The following ZFYVE9 variants were observed in gnomAD, a reference collection of about 807,000 sequenced individuals.
ZFYVE9 encodes zinc finger FYVE-type containing 9.
In ZFYVE9, 43 loss-of-function variants were observed where a neutral mutation model predicts 126.7. That is an observed-to-expected ratio of 0.34 (90% CI 0.27 to 0.44). The LOEUF (loss-of-function observed/expected upper bound fraction) is 0.44. Ranked by LOEUF, ZFYVE9 falls within the 20% of genes least tolerant of loss-of-function variation. The pLI is 1.00. For synonymous variants in ZFYVE9, 521 were observed against 597.4 expected (o/e 0.87, Z 1.87); for missense variants, 1,476 against 1,697.0 (o/e 0.87, Z 2.29).
intron 1 of ZFYVE9, among the ~76,000 whole-genome samples, chr1:52,154,576 A>G (rs1644384684): frequency 6.6e-6 from 1 of 151,996 alleles, no homozygotes; most frequent in East Asian, 1.9e-4. Flanking sequence ...TGAAACAAAG[A>G]TTTTCATACT....
At chr1:52,345,829 C>T (rs1646477962) in intron 18 of ZFYVE9, 1 of 387,260 alleles carries the variant, frequency 2.6e-6, no homozygotes, top group South Asian at 1.0e-4. Context: ...AAAACTAAGA[C>T]CATAACAGGT....
chr1:52,181,217 C>T (rs1329718587), intron 1 of ZFYVE9, among the ~76,000 whole-genome samples: 1 of 152,136 alleles, frequency 6.6e-6, no homozygotes, highest in Non-Finnish European at 1.5e-5. Context: ...TGAGTGCCTG[C>T]GATTGCAGGC....
chr1:52,313,714 A>G (rs1343326200), intron 13 of ZFYVE9, among the ~76,000 whole-genome samples: 1 of 152,186 alleles, frequency 6.6e-6, no homozygotes, highest in Non-Finnish European at 1.5e-5. Flanking sequence ...ATCCTACCTA[A>G]TAAGCTTTAA....
At chr1:52,182,015 G>A (rs1265563383) in intron 1 of ZFYVE9, among the ~76,000 whole-genome samples, 2 of 151,570 alleles carry the variant, frequency 1.3e-5, no homozygotes, top group East Asian at 2.0e-4. Context: ...TCAGCCCACC[G>A]CCCGGCCAGC....
chr1:52,167,154 T>TC (rs1346741781), intron 1 of ZFYVE9, among the ~76,000 whole-genome samples: 1 of 152,204 alleles, frequency 6.6e-6, no homozygotes, highest in Admixed American at 6.5e-5. Context: ...TTGCTATAGT[T>TC]TAGGCCTCTT....
At position 52,231,520 on chromosome 1, in the gene ZFYVE9, A is replaced by G. The variant is rs557519876; in HGVS notation, c.-36-1651A>G. On this transcript the variant is annotated intron_variant, in intron 2 of 18. Coordinates refer to ENST00000287727, the MANE Select transcript of ZFYVE9 (RefSeq NM_004799.4). The stretch of plus-strand genomic sequence containing the variant: ...GTGACAGAGTGAGACTCCATCTCCA[A>G]AAAAAATAATTCACAGATTATGTAG... 3.9e-5 allele frequency among the ~76,000 whole-genome samples: 6 copies of G among 152,132 alleles called. No homozygotes were observed. In the East Asian group the frequency reaches 9.7e-4, roughly 25 times the overall value.
chr1:52,213,253 A>C (rs768189266), intron 1 of ZFYVE9, among the ~76,000 whole-genome samples: 18 of 151,910 alleles, frequency 1.2e-4, no homozygotes, highest in Admixed American at 5.2e-4. Flanking sequence ...CTATTTCTTT[A>C]TTTATTAGGG....
intron 4 of ZFYVE9, chr1:52,253,889 C>A: frequency 1.7e-6 from 2 of 1,151,014 alleles, no homozygotes; most frequent in Non-Finnish European, 2.6e-6. Context: ...GAAAGCTATA[C>A]TCCAAGCAAG....
In ZFYVE9 at chr1:52,238,879, G is replaced by T. The variant is rs2124630934; in HGVS notation, c.1462G>T (p.Val488Phe). The T allele has an allele frequency of 6.2e-7, 1 of 1,614,042 alleles. No individual in the cohort carries two copies. The highest frequency in any genetic ancestry group is 1.6e-4 in the Middle Eastern group (1 of 6,062). ...CDSYGMQDPG[V>F]SFVPKTLPSK... ...TTCCTATGGAATGCAAGACCCAGGT[G>T]TTTCTTTTGTTCCAAAGACTTTACC... is the stretch of plus-strand genomic sequence containing the variant. Residue 488 changes from valine to phenylalanine, a missense_variant, in exon 4 of 19, where the codon GTT (valine) becomes TTT (phenylalanine). Transcript: ENST00000287727.
chr1:52,281,334 C>T (rs1292239202), intron 9 of ZFYVE9, among the ~76,000 whole-genome samples: 4 of 152,004 alleles, frequency 2.6e-5, no homozygotes, highest in Non-Finnish European at 5.9e-5. Flanking sequence ...GGGGTTTCAC[C>T]GTGTTAGCCA....
At chr1:52,150,159 A>G (rs1572056662) in intron 1 of ZFYVE9, 1 of 151,918 alleles carries the variant, frequency 6.6e-6, no homozygotes, top group African/African-American at 2.4e-5. Flanking sequence ...CTGAGGCGGG[A>G]AGATTGCCTG....
At chr1:52,300,799 T>C (rs1334952499) in intron 12 of ZFYVE9, among the ~76,000 whole-genome samples, 1 of 151,784 alleles carries the variant, frequency 6.6e-6, no homozygotes, top group African/African-American at 2.4e-5. Context: ...TTGATCTTCA[T>C]ATTTGGAAGA....
At chr1:52,192,177 C>T (rs1219876495) in intron 1 of ZFYVE9, among the ~76,000 whole-genome samples, 1 of 152,110 alleles carries the variant, frequency 6.6e-6, no homozygotes, top group East Asian at 1.9e-4. Context: ...ACATTGATTA[C>T]TTTGGCTACT....
In ZFYVE9 at chr1:52,278,508, G is replaced by T; in HGVS notation, c.2763G>T (p.Glu921Asp). 2 of 1,614,020 alleles carry T rather than the reference G, an allele frequency of 1.2e-6. No homozygotes were observed. Among genetic ancestry groups the T allele is most frequent in the Non-Finnish European group, 8.5e-7 (1 of 1,179,984 alleles). ...CCCTTTCAGACTATGCTGTGGAAGA[G>T]AAACCATCACAGATTTCAGTAATGC... is the stretch of plus-strand genomic sequence containing the variant. ...TGVKGDYAVE[E>D]KPSQISVMQQ... The change falls in exon 9 of 19, where the codon GAG (glutamate) becomes GAT (aspartate). Residue 921 changes from glutamate to aspartate, a missense_variant. Transcript: ENST00000287727.
intron 4 of ZFYVE9, among the ~76,000 whole-genome samples, chr1:52,252,942 G>A (rs749077151): frequency 4.6e-5 from 7 of 152,164 alleles, no homozygotes; most frequent in African/African-American, 7.2e-5. Flanking sequence ...GTCTAGGTGC[G>A]GTGGCTCACG....
intron 1 of ZFYVE9, among the ~76,000 whole-genome samples, chr1:52,204,733 AAAAG>A (rs1465056118): frequency 1.3e-5 from 2 of 152,150 alleles, no homozygotes; most frequent in Admixed American, 1.3e-4. Flanking sequence ...TCTCAAAAAA[AAAAG>A]AAAAGAAAAA....
At chr1:52,325,055 G>A (rs1049279924) in intron 13 of ZFYVE9, among the ~76,000 whole-genome samples, 16 of 152,192 alleles carry the variant, frequency 1.1e-4, no homozygotes, top group African/African-American at 2.9e-4. Context: ...TGAGGCGGGC[G>A]GATCATGAGG....
chr1:52,346,011 A>G, intron 18 of ZFYVE9, 49 bp from the exon 19 acceptor site: 1 of 1,492,590 alleles, frequency 6.7e-7, no homozygotes, highest in Non-Finnish European at 9.0e-7. Context: ...AGCCCTGGAG[A>G]GGCCTTCTCT....
chr1:52,164,118 AT>A (rs1289936630), intron 1 of ZFYVE9, among the ~76,000 whole-genome samples: 571 of 139,340 alleles, frequency 4.1e-3, no homozygotes, highest in Non-Finnish European at 5.2e-3. Context: ...CACCTAGCTA[AT>A]TTTTTTTTTT....
Sources: allele counts gnomAD v4.1 joint callset (sites outside exome capture counted in the v4.1 genomes callset), GRCh38; gene constraint gnomAD v4.1.1; transcripts MANE v1.5; gene names NCBI Gene and HGNC (gene_info 2026-07-23, HGNC 2026-07-21).